Variants in NDE1 observed in about 807,000 individuals in gnomAD.
The protein encoded by NDE1 is nuclear distribution protein nudE homolog 1.
Under a neutral mutation model 43.4 loss-of-function variants are expected in NDE1, and 28 were observed. The ratio of observed to expected loss-of-function variants is 0.65; its 90% CI spans 0.48 to 0.89. The LOEUF (loss-of-function observed/expected upper bound fraction) is 0.89, where lower values mean the gene tolerates loss of function less well. Among genes scored for constraint, NDE1 ranks in the 40% least tolerant of loss-of-function variants. The pLI, the probability that NDE1 is intolerant of heterozygous loss-of-function variation, is 0.00. For synonymous variants in NDE1, 184 were observed against 172.0 expected (o/e 1.07, Z -0.55); for missense variants, 441 against 434.1 (o/e 1.02, Z -0.14).
chr16:15,694,836 ATG>A, intron 7 of NDE1: 1 of 985,208 alleles, frequency 1.0e-6, no homozygotes, highest in Non-Finnish European at 1.2e-6. Context: ...TTAGGGTGAT[ATG>A]TGTGTTTTTT....
In NDE1 at chr16:15,724,134, G is replaced by T. The variant is rs751888585; in HGVS notation, c.948-57G>T. 21 of 1,611,862 alleles carry T rather than the reference G, an allele frequency of 1.3e-5. No homozygotes were observed. In the Admixed American group the frequency reaches 3.5e-4, roughly 27 times the overall value. On this transcript the variant is annotated intron_variant, in intron 8 of 8. Coordinates refer to ENST00000396354, the MANE Select transcript of NDE1 (RefSeq NM_017668.3). ...TTCCCCAACCCAGCGTCCATGGCCA[G>T]AGTGGGGGACACCCCACGCCCTCTA...
chr16:15,717,262 G>T (rs1427020506), intron 8 of NDE1: 1 of 1,614,000 alleles, frequency 6.2e-7, no homozygotes, highest in African/African-American at 1.3e-5. Context: ...GGAGCTCCTT[G>T]TTCTGCCGCT....
intron 8 of NDE1, chr16:15,714,677 C>T (rs1467024402): frequency 6.6e-6 from 4 of 608,338 alleles, no homozygotes; most frequent in Admixed American, 2.9e-5. Flanking sequence ...GGGAGACGGT[C>T]GATCGTTAAA....
intron 3 of NDE1, among the ~76,000 whole-genome samples, 194 bp downstream of exon 3, chr16:15,667,633 T>G (rs1408467657): frequency 2.1e-5 from 3 of 140,038 alleles, no homozygotes; most frequent in South Asian, 2.3e-4. Context: ...TTTTGTTTTG[T>G]TTTTTTTTTT....
Position 15,710,525 on chromosome 16 carries a change from AAAT to A in NDE1, c.948-13660_948-13658del, listed in dbSNP as rs1287797672. 8.6e-5 allele frequency among the ~76,000 whole-genome samples: 13 copies of A among 151,594 alleles called. No homozygotes were observed. In the South Asian group the frequency reaches 1.7e-3, roughly 19 times the overall value. On this transcript the variant is annotated intron_variant, in intron 8 of 8. Transcript: ENST00000396354. Reference sequence around the variant, plus strand: ...ACAGAGCTAGACTCCGTCTAAAAATAAATAATAAAAAGAAAAGAAATCACTGGG... The same window carrying A: ...ACAGAGCTAGACTCCGTCTAAAAATAAATAAAAAGAAAAGAAATCACTGGG...
At position 15,694,257 on chromosome 16, in the gene NDE1, G is replaced by A; in HGVS notation, c.795+1G>A. 1 of 1,613,380 alleles carries A rather than the reference G, an allele frequency of 6.2e-7. No homozygotes were observed. Among genetic ancestry groups the A allele is most frequent in the South Asian group, 1.1e-5 (1 of 90,922 alleles). On this transcript the variant is annotated splice_donor_variant, in intron 7 of 8. Coordinates refer to ENST00000396354, the MANE Select transcript of NDE1 (RefSeq NM_017668.3). LOFTEE classifies it high-confidence loss of function. The stretch of plus-strand genomic sequence containing the variant: ...GGGAGACCTACTGCGGAAAGTCGGG[G>A]TAAGACCACACTTTCCTGGCGTTTG...
At chr16:15,697,176 G>A (rs964388520) in intron 8 of NDE1, 111 of 550,968 alleles carry the variant, frequency 2.0e-4, no homozygotes, top group Non-Finnish European at 2.4e-4. Context: ...CCGAGTAGCT[G>A]GGAGTACAGG....
chr16:15,724,367 CG>C lies in NDE1; in HGVS notation c.*118del. On this transcript the variant is annotated 3_prime_UTR_variant, in exon 9 of 9. Transcript: ENST00000396354. ...TTCTTCCCCTCTTCCAGAGCTTCCA[CG>C]GTGCTGGCAAAGTCCTGCAGCTTCT... 6.2e-7 allele frequency: 1 copy of C among 1,614,120 alleles called. No individual in the cohort carries two copies. Among genetic ancestry groups the C allele is most frequent in the Non-Finnish European group, 8.5e-7 (1 of 1,180,018 alleles).
At chr16:15,666,319 A>C (rs765403702) in intron 2 of NDE1, among the ~76,000 whole-genome samples, 6 of 151,936 alleles carry the variant, frequency 3.9e-5, no homozygotes, top group Non-Finnish European at 5.9e-5. Flanking sequence ...TCTTTCATTT[A>C]TTGAAAAATT....
intron 8 of NDE1, chr16:15,718,530 T>G: frequency 6.7e-7 from 1 of 1,483,608 alleles, no homozygotes; most frequent in Non-Finnish European, 9.0e-7. Flanking sequence ...GGTATTGCCC[T>G]CATCATCTAA....
At chr16:15,701,145 G>T (rs2039204171) in intron 8 of NDE1, 2 of 151,906 alleles carry the variant, frequency 1.3e-5, no homozygotes, top group South Asian at 2.1e-4. Flanking sequence ...GTTGAGGCAG[G>T]AGAGTTGCTT....
intron 8 of NDE1, chr16:15,699,881 C>CT (rs1356934742): frequency 7.7e-7 from 1 of 1,297,846 alleles, no homozygotes; most frequent in Admixed American, 2.4e-5. Flanking sequence ...CTTTTGTCGT[C>CT]TTTTTACACT....
intron 8 of NDE1, chr16:15,717,622 C>A: frequency 1.8e-6 from 1 of 560,440 alleles, no homozygotes; most frequent in East Asian, 3.0e-5. Flanking sequence ...TGGTGAAACC[C>A]CGTCTCTATT....
intron 2 of NDE1, 104 bp downstream of exon 2, chr16:15,664,965 A>G: frequency 1.2e-6 from 1 of 865,802 alleles, no homozygotes; most frequent in East Asian, 2.5e-5. Flanking sequence ...GCGTGATCAT[A>G]GTGCACAGCC....
At chr16:15,671,556 C>T (rs1038954514) in intron 3 of NDE1, among the ~76,000 whole-genome samples, 1 of 152,014 alleles carries the variant, frequency 6.6e-6, no homozygotes, top group Non-Finnish European at 1.5e-5. Flanking sequence ...TGTTGAGTTT[C>T]CCCCAATCCC....
chr16:15,720,175 G>T (rs747392972), intron 8 of NDE1: 1 of 1,614,062 alleles, frequency 6.2e-7, no homozygotes, highest in South Asian at 1.1e-5. Flanking sequence ...GCTGCTTGAT[G>T]GCTTCCTCCC....
chr16:15,696,702 T>C lies in NDE1; in HGVS notation c.796-7T>C. ...AACTTGAGAGATAAAAGTGTATTTC[T>C]GTCCAGGCACTGGAGTCCAAACTCG... is the stretch of plus-strand genomic sequence containing the variant. On this transcript the variant is annotated splice_polypyrimidine_tract_variant and splice_region_variant and intron_variant, in intron 7 of 8. Coordinates refer to ENST00000396354, the MANE Select transcript of NDE1 (RefSeq NM_017668.3). 1 of 1,614,214 alleles carries C rather than the reference T, an allele frequency of 6.2e-7. No individual in the cohort carries two copies. The highest frequency in any genetic ancestry group is 8.5e-7 in the Non-Finnish European group (1 of 1,180,038).
At chr16:15,670,496 A>G (rs574543227) in intron 3 of NDE1, among the ~76,000 whole-genome samples, 36 of 152,074 alleles carry the variant, frequency 2.4e-4, no homozygotes, top group Non-Finnish European at 4.9e-4. Context: ...TGTCTCTACT[A>G]AAACTACAAA....
rs1418678410 is a variant in NDE1, at chr16:15,719,718, A to G, written c.948-4473A>G. On this transcript the variant is annotated intron_variant, in intron 8 of 8. Coordinates refer to ENST00000396354, the MANE Select transcript of NDE1 (RefSeq NM_017668.3). ...TTGAAAGTCCTTCATCTGAGCCTGC[A>G]TGAGTCAACAGGGAGGACAAGCTCA... 3.1e-6 allele frequency: 5 copies of G among 1,614,012 alleles called. No homozygotes were observed. Among genetic ancestry groups the G allele is most frequent in the South Asian group, 1.1e-5 (1 of 91,086 alleles).
Sources: gnomAD v4.1 joint callset for allele counts (sites outside exome capture counted in the v4.1 genomes callset) on GRCh38, gnomAD v4.1.1 for gene constraint, MANE v1.5 for transcripts, NCBI Gene and HGNC (gene_info 2026-07-23, HGNC 2026-07-21) for gene names.